Variants in TBC1D31 observed in about 807,000 individuals in gnomAD.
The protein encoded by TBC1D31 is TBC1 domain family member 31, also known as WD repeat domain 67.
Under a neutral mutation model 132.9 loss-of-function variants are expected in TBC1D31, and 99 were observed. That is an observed-to-expected ratio of 0.74 (90% CI 0.63 to 0.88). TBC1D31 has a LOEUF of 0.88. Among genes scored for constraint, TBC1D31 ranks in the 40% least tolerant of loss-of-function variants. TBC1D31 has a pLI of 0.00. For synonymous variants in TBC1D31, 385 were observed against 419.4 expected, an observed-to-expected ratio of 0.92 and a Z score of 1.00; for missense variants, 1,134 against 1,256.6, an observed-to-expected ratio of 0.90 and a Z score of 1.48.
intron 8 of TBC1D31, among the ~76,000 whole-genome samples, chr8:123,107,631 G>A (rs756965758): frequency 2.0e-5 from 3 of 152,152 alleles, no homozygotes; most frequent in African/African-American, 7.2e-5. Flanking sequence ...ACCTTTTCTG[G>A]GAAAACTGGT....
chr8:123,133,985 G>T, intron 16 of TBC1D31, 129 bp from the exon 17 acceptor site: 1 of 570,294 alleles, frequency 1.8e-6, no homozygotes, highest in Non-Finnish European at 3.0e-6. Flanking sequence ...TGTTACTCTG[G>T]TTTCAAAAAC....
chr8:123,086,191 C>T (rs1563676171), intron 4 of TBC1D31, among the ~76,000 whole-genome samples: 2 of 152,028 alleles, frequency 1.3e-5, no homozygotes, highest in East Asian at 3.9e-4. Flanking sequence ...CGCTGCTACC[C>T]CTCCTCCCTC....
At chr8:123,153,051 G>C (rs890092672), downstream of TBC1D31, among the ~76,000 whole-genome samples, 1 of 152,172 alleles carries the variant, frequency 6.6e-6, no homozygotes, top group African/African-American at 2.4e-5. Context: ...ATGATCTCCT[G>C]GCATTATACA....
chr8:123,140,976 G>A lies in TBC1D31; in HGVS notation c.2640+75G>A, dbSNP rs118140420. 1.7e-4 allele frequency: 236 copies of A among 1,359,642 alleles called. 1 individual carries two copies. The East Asian group carries it at 3.6e-3, about 21-fold the overall frequency. 84.2% of individuals were successfully genotyped at this position (1,359,642 alleles called of 1,614,324 possible). ...GTCACCCTCTTAAGAGAACAAAATC[G>A]AAATTAAACTCTGTGAAGTTGAGTT... On this transcript the variant is annotated intron_variant, in intron 18 of 21. Coordinates refer to ENST00000287380, the MANE Select transcript of TBC1D31 (RefSeq NM_145647.4).
intron 11 of TBC1D31, among the ~76,000 whole-genome samples, chr8:123,124,488 C>A (rs775736709): frequency 6.6e-5 from 10 of 152,124 alleles, no homozygotes; most frequent in Non-Finnish European, 1.3e-4. Context: ...GTAGGATATC[C>A]TCTTGCTAAG....
rs1230096552 is a variant in TBC1D31 at position 123,101,007 on chromosome 8, G to C, written c.1032G>C (p.Lys344Asn). 4 of 1,601,244 alleles carry C rather than the reference G, an allele frequency of 2.5e-6. No homozygotes were observed. The highest frequency in any genetic ancestry group is 3.4e-6 in the Non-Finnish European group (4 of 1,168,802). Residue 344 changes from lysine (K) to asparagine (N), a missense_variant and splice_region_variant, in exon 7 of 22, where the codon AAG becomes AAC. By Grantham distance (94) the Lys-to-Asn change is moderately conservative. Coordinates refer to ENST00000287380, the MANE Select transcript of TBC1D31 (RefSeq NM_145647.4). ...AGGCTTTAACACAAGAAATAAATAA[G>C]GTATGTATGATGAAGTAATCAACAT... ...SVQALTQEIN[K>N]PPPPLVKVIE...
At chr8:123,103,493 GCT>G (rs1387256480) in intron 7 of TBC1D31, 1 of 151,920 alleles carries the variant, frequency 6.6e-6, no homozygotes, top group Admixed American at 6.6e-5. Context: ...TGTGATCTTG[GCT>G]CACTGCAGCC....
intron 4 of TBC1D31, among the ~76,000 whole-genome samples, chr8:123,089,971 T>A (rs1816176205): frequency 1.3e-5 from 2 of 152,348 alleles, no homozygotes; most frequent in Admixed American, 6.5e-5. Flanking sequence ...AAATCTGCAT[T>A]CTGAAACACA....
intron 17 of TBC1D31, among the ~76,000 whole-genome samples, chr8:123,135,304 T>C (rs1820983662): frequency 6.6e-6 from 1 of 152,262 alleles, no homozygotes; most frequent in Admixed American, 6.5e-5. Flanking sequence ...GCTTTGTTAA[T>C]ATAAATTTTT....
At chr8:123,155,333 C>T (rs139735635), downstream of TBC1D31, among the ~76,000 whole-genome samples, 605 of 152,230 alleles carry the variant, frequency 4.0e-3, 3 homozygotes, top group African/African-American at 0.014. The surrounding 1 kb of genome is among the most constrained non-coding windows in gnomAD (Gnocchi z 4.1). Context: ...GTGAGAGATG[C>T]CACCACCACA....
chr8:123,088,371 CCT>C (rs1815995963), intron 4 of TBC1D31, among the ~76,000 whole-genome samples: 1 of 152,098 alleles, frequency 6.6e-6, no homozygotes, highest in African/African-American at 2.4e-5. Flanking sequence ...GGGAGAATCC[CCT>C]GAGCCCCAGA....
intron 21 of TBC1D31, among the ~76,000 whole-genome samples, chr8:123,150,581 G>A (rs961466950): frequency 6.6e-6 from 1 of 152,192 alleles, no homozygotes; most frequent in African/African-American, 2.4e-5. Flanking sequence ...TCTGCCCTGG[G>A]CACTCCGATG....
chr8:123,123,201 C>T (rs2130737575), intron 11 of TBC1D31: 1 of 152,432 alleles, frequency 6.6e-6, no homozygotes, highest in South Asian at 2.1e-4. Flanking sequence ...CACCCAGATA[C>T]TCCAGTCACC....
chr8:123,111,820 C>A (rs1266788313), intron 10 of TBC1D31, among the ~76,000 whole-genome samples: 2 of 151,880 alleles, frequency 1.3e-5, no homozygotes, highest in Non-Finnish European at 2.9e-5. Flanking sequence ...AGGTTATATC[C>A]CACTAGGCAT....
At chr8:123,157,342 A>G in the TBC1D31 span, among the ~76,000 whole-genome samples, 9 of 152,218 alleles carry the variant, frequency 5.9e-5, no homozygotes, top group South Asian at 1.2e-3. Context: ...CTGAGGCTAT[A>G]CAGCTGGTCT....
chr8:123,086,110 A>G (rs1002433426), intron 4 of TBC1D31, among the ~76,000 whole-genome samples: 1 of 152,048 alleles, frequency 6.6e-6, no homozygotes, highest in Non-Finnish European at 1.5e-5. Context: ...TTTGTCCTTT[A>G]TGTCCCCTGG....
chr8:123,147,791 A>T (rs1165560177), intron 20 of TBC1D31, among the ~76,000 whole-genome samples: 1 of 152,204 alleles, frequency 6.6e-6, no homozygotes, highest in Non-Finnish European at 1.5e-5. Flanking sequence ...AATCAGATTC[A>T]TTTAATCCTA....
chr8:123,142,558 T>A, intron 19 of TBC1D31, 102 bp downstream of exon 19: 1 of 992,278 alleles, frequency 1.0e-6, no homozygotes, highest in Non-Finnish European at 1.4e-6. Flanking sequence ...AAATTCAAAC[T>A]CGGGGCCTTA....
intron 4 of TBC1D31, among the ~76,000 whole-genome samples, chr8:123,090,628 A>G (rs1234694705): frequency 6.6e-6 from 1 of 152,130 alleles, no homozygotes; most frequent in Non-Finnish European, 1.5e-5. Context: ...TTAGTATCCT[A>G]AACTCTTTAA....
Sources: allele counts gnomAD v4.1 joint callset (sites outside exome capture counted in the v4.1 genomes callset), GRCh38; gene constraint gnomAD v4.1.1; non-coding constraint Gnocchi (gnomAD v3.1); transcripts MANE v1.5; gene names NCBI Gene and HGNC (gene_info 2026-07-23, HGNC 2026-07-21).